Variants in PIPOX observed in about 807,000 individuals in gnomAD.
PIPOX encodes pipecolic acid and sarcosine oxidase.
PIPOX carries 45 observed loss-of-function variants against 47.9 expected under a neutral mutation model. The ratio of observed to expected loss-of-function variants is 0.94; its 90% CI spans 0.74 to 1.20. The LOEUF (loss-of-function observed/expected upper bound fraction) is 1.20. Among genes scored for constraint, PIPOX ranks in the 50% most tolerant of loss-of-function variants. The pLI is 0.00. For missense variants in PIPOX, 458 were observed against 498.4 expected (o/e 0.92, Z 0.77); for synonymous variants, 165 against 191.3 (o/e 0.86, Z 1.13).
At chr17:29,049,302 G>A (rs552491922) in intron 2 of PIPOX, among the ~76,000 whole-genome samples, 1 of 152,258 alleles carries the variant, frequency 6.6e-6, no homozygotes, top group South Asian at 2.1e-4. Flanking sequence ...AGCTAGTCCT[G>A]ACCATTCATT....
chr17:29,050,241 A>G (rs139557288), intron 2 of PIPOX, among the ~76,000 whole-genome samples: 169 of 152,318 alleles, frequency 1.1e-3, no homozygotes, highest in African/African-American at 4.0e-3. Flanking sequence ...AGATTAGAAT[A>G]TGCTGCTCTG....
At chr17:29,055,513 G>A (rs896809042) in intron 6 of PIPOX, among the ~76,000 whole-genome samples, 1 of 152,194 alleles carries the variant, frequency 6.6e-6, no homozygotes, top group Non-Finnish European at 1.5e-5. Flanking sequence ...AGTTGAGCAG[G>A]CCTTAGGGAC....
chr17:29,048,656 C>G (rs934132671), intron 2 of PIPOX, among the ~76,000 whole-genome samples: 1 of 152,248 alleles, frequency 6.6e-6, no homozygotes, highest in Admixed American at 6.5e-5. Context: ...CAGTATCAGA[C>G]AAGATCACAG....
rs1184966745 is a variant in PIPOX, at chr17:29,054,550, G to A, written c.666G>A (p.Leu222=). The A allele has an allele frequency of 6.2e-7, 1 of 1,614,160 alleles. No individual in the cohort carries two copies. The highest frequency in any genetic ancestry group is 8.5e-7 in the Non-Finnish European group (1 of 1,180,006). Residue 222 remains leucine, a synonymous_variant, in exon 5 of 8, where the codon CTG becomes CTA. Coordinates refer to ENST00000323372, the MANE Select transcript of PIPOX (RefSeq NM_016518.3). Reference sequence around the variant, plus strand: ...CTTCCTCTCCCTGCCTCAAGACCCTGCGGATCAACGTGTGTTACTGGCGAG... The same window carrying A: ...CTTCCTCTCCCTGCCTCAAGACCCTACGGATCAACGTGTGTTACTGGCGAG... ...PLGIEMPLQT[L]RINVCYWREM...
At position 29,056,248 on chromosome 17, in the gene PIPOX, T is replaced by C. The variant is rs376987976; in HGVS notation, c.1116T>C (p.Tyr372=). ...YELSMKLTPS[Y]DLAPFRISRF... ...TAAGCATGAAATTAACACCATCTTA[T>C]GACTTGGCACCTTTTCGAATCAGCC... is the stretch of plus-strand genomic sequence containing the variant. The change falls in exon 8 of 8, where the codon TAT becomes TAC. Residue 372 remains tyrosine, a synonymous_variant. Coordinates refer to ENST00000323372, the MANE Select transcript of PIPOX (RefSeq NM_016518.3). The C allele has an allele frequency of 6.2e-7, 1 of 1,614,210 alleles. No individual in the cohort carries two copies. The highest frequency in any genetic ancestry group is 8.5e-7 in the Non-Finnish European group (1 of 1,180,036).
intron 6 of PIPOX, among the ~76,000 whole-genome samples, 190 bp downstream of exon 6, chr17:29,055,411 C>T (rs1387105617): frequency 6.6e-6 from 1 of 152,186 alleles, no homozygotes; most frequent in Non-Finnish European, 1.5e-5. Flanking sequence ...TATTCCTATT[C>T]TTCTTCATTA....
chr17:29,053,082 G>A lies in PIPOX; in HGVS notation c.426G>A (p.Leu142=), dbSNP rs763809782. The change falls in exon 3 of 8, where the codon TTG becomes TTA. Residue 142 remains leucine (L), a synonymous_variant. Transcript: ENST00000323372. ...TGCCCAGGGGAGAAGTGGGGCTCTT[G>A]GACAATTCCGGAGGAGTTATCTATG... ...IRLPRGEVGL[L]DNSGGVIYAY... The A allele has an allele frequency of 3.7e-6, 6 of 1,614,200 alleles. No homozygotes were observed. Among genetic ancestry groups the A allele is most frequent in the Middle Eastern group, 1.6e-4 (1 of 6,062 alleles).
chr17:29,045,556 G>A (rs1351431910), intron 2 of PIPOX, among the ~76,000 whole-genome samples: 1 of 151,594 alleles, frequency 6.6e-6, no homozygotes, highest in African/African-American at 2.4e-5. Context: ...GACTACAGGT[G>A]CGCACCACCA....
chr17:29,046,783 C>T (rs1043653616), intron 2 of PIPOX: 7 of 983,158 alleles, frequency 7.1e-6, no homozygotes, highest in Non-Finnish European at 4.8e-6. Flanking sequence ...GGAACTGGAC[C>T]TGGCTCTAAA....
At chr17:29,045,372 GA>G (rs575924402) in intron 2 of PIPOX, among the ~76,000 whole-genome samples, 100 of 143,520 alleles carry the variant, frequency 7.0e-4, no homozygotes, top group African/African-American at 2.4e-3. Context: ...CAGGGGTTGA[GA>G]TAGAGGAGGA....
Position 29,043,345 on chromosome 17 carries a change from G to A in PIPOX, c.114+6G>A, listed in dbSNP as rs770052128. ...GGATCCTCCTGCTGGAGCAGGTACT[G>A]TGTCCCTTCTGCACCCCCAGCTGTA... is the stretch of plus-strand genomic sequence containing the variant. On this transcript the variant is annotated splice_donor_region_variant and intron_variant, in intron 1 of 7. Transcript: ENST00000323372. 2.5e-6 allele frequency: 4 copies of A among 1,598,452 alleles called. No homozygotes were observed. Among genetic ancestry groups the A allele is most frequent in the Admixed American group, 3.3e-5 (2 of 59,924 alleles).
At chr17:29,049,950 G>A (rs1453860237) in intron 2 of PIPOX, among the ~76,000 whole-genome samples, 3 of 152,182 alleles carry the variant, frequency 2.0e-5, no homozygotes, top group South Asian at 4.1e-4. Flanking sequence ...TACATTCACC[G>A]GCAGAATCAG....
chr17:29,052,076 C>T (rs1167456221), intron 2 of PIPOX: 2 of 469,110 alleles, frequency 4.3e-6, no homozygotes, highest in African/African-American at 4.0e-5. Flanking sequence ...CCAGATCTCT[C>T]AGTTTAGGAC....
At position 29,056,440 on chromosome 17, in the gene PIPOX, G is replaced by A; in HGVS notation, c.*135G>A. ...CCTGAATCCCCCATAAACACCAGAT[G>A]ATTGAGTCTACCTTCTTTCCTTGGC... On this transcript the variant is annotated 3_prime_UTR_variant, in exon 8 of 8. Transcript: ENST00000323372. 1.0e-6 allele frequency: 1 copy of A among 984,016 alleles called. No homozygotes were observed. Among genetic ancestry groups the A allele is most frequent in the Non-Finnish European group, 1.5e-6 (1 of 668,018 alleles). The allele number at this position is 984,016 out of a possible 1,614,324, so 61.0% of individuals were successfully genotyped here. A position where few individuals can be genotyped will look rare whatever the true frequency, so the allele number is the denominator to read the frequency against.
chr17:29,047,517 C>T (rs868510338), intron 2 of PIPOX, among the ~76,000 whole-genome samples: 2 of 152,148 alleles, frequency 1.3e-5, no homozygotes, highest in Non-Finnish European at 1.5e-5. Flanking sequence ...AGTATCTTAG[C>T]CTTTGCAGGC....
At chr17:29,052,044 G>C (rs1568019895) in intron 2 of PIPOX, 1 of 471,110 alleles carries the variant, frequency 2.1e-6, no homozygotes, top group Non-Finnish European at 4.4e-6. Flanking sequence ...TGGGCAAGGT[G>C]AAGCCAGGAC....
chr17:29,054,704 AC>A lies in PIPOX; in HGVS notation c.807+15del. The stretch of plus-strand genomic sequence containing the variant: ...AGGGCTGATGAAGGTGAGCGGAAAG[AC>A]CGAGATAAGGCAGGTAGATGCCAGT... On this transcript the variant is annotated intron_variant, in intron 5 of 7. Coordinates refer to ENST00000323372, the MANE Select transcript of PIPOX (RefSeq NM_016518.3). 2 of 1,612,100 alleles carry A rather than the reference AC, an allele frequency of 1.2e-6. No homozygotes were observed. The highest frequency in any genetic ancestry group is 1.3e-5 in the African/African-American group (1 of 74,932).
intron 1 of PIPOX, among the ~76,000 whole-genome samples, chr17:29,043,811 T>A (rs1189979775): frequency 6.6e-6 from 1 of 151,598 alleles, no homozygotes; most frequent in Non-Finnish European, 1.5e-5. Flanking sequence ...GCTTCTGTTT[T>A]TTTTTTTTAT....
rs111837721 is a variant in PIPOX, at chr17:29,056,533, T to C, written c.*228T>C. The C allele has an allele frequency of 3.5e-6, 2 of 575,676 alleles. No homozygotes were observed. The highest frequency in any genetic ancestry group is 3.1e-6 in the Non-Finnish European group (1 of 326,024). 35.7% of individuals were successfully genotyped at this position (575,676 alleles called of 1,614,324 possible). A position where few individuals can be genotyped will look rare whatever the true frequency, so the allele number is the denominator to read the frequency against. On this transcript the variant is annotated 3_prime_UTR_variant, in exon 8 of 8. Transcript: ENST00000323372. ...ACCAGACGATTGAGTCTACCTTCTTTTCTTGGCCACCTCCCCATTCACAAC... is the reference window on the plus strand; with the variant it reads ...ACCAGACGATTGAGTCTACCTTCTTCTCTTGGCCACCTCCCCATTCACAAC...
Sources: gnomAD v4.1 joint callset for allele counts (sites outside exome capture counted in the v4.1 genomes callset) on GRCh38, gnomAD v4.1.1 for gene constraint, MANE v1.5 for transcripts, NCBI Gene and HGNC (gene_info 2026-07-23, HGNC 2026-07-21) for gene names.